Variants in ADAMTS2 observed in about 807,000 individuals in gnomAD.
ADAMTS2 encodes ADAM metallopeptidase with thrombospondin type 1 motif 2, also known as A disintegrin and metalloproteinase with thrombospondin motifs 2.
Under a neutral mutation model 123.0 loss-of-function variants are expected in ADAMTS2, and 50 were observed. The observed-to-expected ratio is 0.41, with a 90% confidence interval of 0.32 to 0.51. The LOEUF is 0.51. Ranked by LOEUF, ADAMTS2 falls within the 20% of genes least tolerant of loss-of-function variation. ADAMTS2 has a pLI of 0.35. For missense variants in ADAMTS2, 1,494 were observed against 1,705.2 expected, an observed-to-expected ratio of 0.88 and a Z score of 2.18; for synonymous variants, 678 against 695.4, an observed-to-expected ratio of 0.98 and a Z score of 0.39.
intron 2 of ADAMTS2, among the ~76,000 whole-genome samples, chr5:179,280,668 CCT>C (rs1210695849): frequency 6.6e-6 from 1 of 152,126 alleles, no homozygotes. Context: ...CCAGTGTCTT[CCT>C]CTCTCTCCGG....
intron 5 of ADAMTS2, among the ~76,000 whole-genome samples, chr5:179,163,327 T>C (rs905556826): frequency 4.0e-5 from 6 of 151,512 alleles, no homozygotes; most frequent in African/African-American, 1.2e-4. Context: ...AGAGTGGGGG[T>C]CGGTGATAAG....
chr5:179,210,366 C>T (rs1764821945), intron 3 of ADAMTS2, among the ~76,000 whole-genome samples: 1 of 152,206 alleles, frequency 6.6e-6, no homozygotes, highest in Non-Finnish European at 1.5e-5. Context: ...GCCGAGCAGG[C>T]AGAGTTTTTA....
At chr5:179,237,730 C>T (rs952831892) in intron 3 of ADAMTS2, among the ~76,000 whole-genome samples, 1 of 152,124 alleles carries the variant, frequency 6.6e-6, no homozygotes, top group African/African-American at 2.4e-5. Context: ...CTCTCTGTGT[C>T]CCTGTCTGCT....
chr5:179,138,814 C>T (rs112295346), intron 11 of ADAMTS2, among the ~76,000 whole-genome samples: 5,309 of 152,272 alleles, frequency 0.035, 308 homozygotes, highest in African/African-American at 0.12. Context: ...CAGGGTCCAG[C>T]TCGGGCCTGG....
At chr5:179,178,220 A>T (rs1014790076) in intron 5 of ADAMTS2, among the ~76,000 whole-genome samples, 6 of 152,110 alleles carry the variant, frequency 3.9e-5, no homozygotes, top group African/African-American at 1.4e-4. Flanking sequence ...AGGGAACTCC[A>T]CTGGAGGCAG....
In ADAMTS2 at chr5:179,116,495, C is replaced by A. The variant is rs78898293; in HGVS notation, c.3179-2171G>T. On this transcript the variant is annotated intron_variant, in intron 21 of 21. Transcript: ENST00000251582. The stretch of plus-strand genomic sequence containing the variant: ...CCTCCTTGAGCAGGTAAGGTCTCTG[C>A]AGCACACGGTCTCAGCAGCTGTGCC... Among the ~76,000 whole-genome samples, 1,268 of 152,302 alleles carry A rather than the reference C, an allele frequency of 8.3e-3. 14 individuals carry two copies. The highest frequency in any genetic ancestry group is 0.029 in the African/African-American group (1,202 of 41,552).
At chr5:179,210,432 A>C (rs1274898879) in intron 3 of ADAMTS2, among the ~76,000 whole-genome samples, 1 of 152,266 alleles carries the variant, frequency 6.6e-6, no homozygotes, top group Non-Finnish European at 1.5e-5. Flanking sequence ...AAAGATTTAG[A>C]ATCTGAATTT....
chr5:179,195,434 G>A (rs1764404253), intron 4 of ADAMTS2, among the ~76,000 whole-genome samples: 1 of 152,198 alleles, frequency 6.6e-6, no homozygotes, highest in African/African-American at 2.4e-5. Flanking sequence ...TGCTTCACCT[G>A]TGCAGTGTGG....
At chr5:179,194,417 T>G (rs1764374365) in intron 4 of ADAMTS2, among the ~76,000 whole-genome samples, 2 of 151,880 alleles carry the variant, frequency 1.3e-5, no homozygotes, top group Admixed American at 6.6e-5. Flanking sequence ...AGGGAGTGAG[T>G]GGGCAGGCGG....
intron 3 of ADAMTS2, among the ~76,000 whole-genome samples, chr5:179,245,787 A>AAAAAAAC (rs1765783945): frequency 1.3e-5 from 1 of 76,128 alleles, no homozygotes; most frequent in African/African-American, 4.6e-5. Context: ...AAAAAAAAAA[A>AAAAAAAC]AAAAAAAACA....
chr5:179,295,424 G>C (rs1238709138), intron 2 of ADAMTS2, among the ~76,000 whole-genome samples: 1 of 152,186 alleles, frequency 6.6e-6, no homozygotes, highest in African/African-American at 2.4e-5. Flanking sequence ...TCCCCGCCCT[G>C]CAAGCTCCCT....
At chr5:179,139,364 G>A (rs1763121410) in intron 11 of ADAMTS2, among the ~76,000 whole-genome samples, 1 of 152,138 alleles carries the variant, frequency 6.6e-6, no homozygotes, top group Non-Finnish European at 1.5e-5. Context: ...GAAGGGGCAG[G>A]AGGACAGCAC....
rs761444202 is a variant in ADAMTS2 at position 179,272,999 on chromosome 5, C to T, written c.600G>A (p.Ala200=). ...GCACACGGCCTTGCTCAGCCTCCTG[C>T]GCCGCCAGCCCCTTCTCCAAGGGTT... ...FIEPLEKGLA[A]QEAEQGRVHV... is the part of the protein sequence containing the mutation. Residue 200 remains alanine, a synonymous_variant, in exon 3 of 22, where the codon GCG becomes GCA. Coordinates refer to ENST00000251582, the MANE Select transcript of ADAMTS2 (RefSeq NM_014244.5). The surrounding 1 kb of genome is among the most constrained non-coding windows in gnomAD (Gnocchi z 5.8). 52 of 1,613,178 alleles carry T rather than the reference C, an allele frequency of 3.2e-5. No homozygotes were observed. The highest frequency in any genetic ancestry group is 3.1e-5 in the Non-Finnish European group (37 of 1,180,048).
intron 17 of ADAMTS2, 94 bp downstream of exon 17, chr5:179,127,865 C>A: frequency 6.4e-7 from 1 of 1,552,212 alleles, no homozygotes; most frequent in South Asian, 1.1e-5. Flanking sequence ...GGCTCCTCGG[C>A]CCCTGCTCAC....
rs1766801621 is a variant in ADAMTS2 at position 179,278,341 on chromosome 5, C to A, written c.535-5277G>T. On this transcript the variant is annotated intron_variant, in intron 2 of 21. Transcript: ENST00000251582. ...TCCCAGGAATGATCTGTCTAAAACA[C>A]ACAGAAGAAAATTGACAGGAGAGCA... Among the ~76,000 whole-genome samples, 3 of 152,100 alleles carry A rather than the reference C, an allele frequency of 2.0e-5. No homozygotes were observed. In the South Asian group the frequency reaches 6.3e-4, roughly 32 times the overall value.
At chr5:179,282,051 T>C (rs1766927495) in intron 2 of ADAMTS2, among the ~76,000 whole-genome samples, 1 of 152,230 alleles carries the variant, frequency 6.6e-6, no homozygotes, top group African/African-American at 2.4e-5. Flanking sequence ...AAATCCCTTA[T>C]TAGATATACA....
At chr5:179,306,199 T>C (rs977819394) in intron 2 of ADAMTS2, among the ~76,000 whole-genome samples, 7 of 149,198 alleles carry the variant, frequency 4.7e-5, no homozygotes, top group Non-Finnish European at 7.4e-5. Context: ...TCAATGAACA[T>C]AGACACAAAA....
At chr5:179,246,442 G>A (rs371229) in intron 3 of ADAMTS2, among the ~76,000 whole-genome samples, 55 of 152,300 alleles carry the variant, frequency 3.6e-4, no homozygotes, top group African/African-American at 1.2e-3. Context: ...GGGGCAAGAC[G>A]CACAATAAAC....
chr5:179,296,340 G>A (rs1015642766), intron 2 of ADAMTS2, among the ~76,000 whole-genome samples: 1 of 152,176 alleles, frequency 6.6e-6, no homozygotes, highest in African/African-American at 2.4e-5. Context: ...GCTCGGAGGA[G>A]GGGGAGGTGG....
Sources: gnomAD v4.1 joint callset for allele counts (sites outside exome capture counted in the v4.1 genomes callset) on GRCh38, gnomAD v4.1.1 for gene constraint, Gnocchi (gnomAD v3.1) non-coding constraint, MANE v1.5 for transcripts, NCBI Gene and HGNC (gene_info 2026-07-23, HGNC 2026-07-21) for gene names.